The following SLC6A6 variants were observed in gnomAD, a reference collection of about 807,000 sequenced individuals.
SLC6A6 encodes the protein solute carrier family 6 member 6.
In SLC6A6, 16 loss-of-function variants were observed where a neutral mutation model predicts 68.8. The observed-to-expected ratio is 0.23, with a 90% confidence interval of 0.16 to 0.35. The LOEUF (loss-of-function observed/expected upper bound fraction) is 0.35, where lower values mean the gene tolerates loss of function less well. Among genes scored for constraint, SLC6A6 ranks in the 10% least tolerant of loss-of-function variants. SLC6A6 has a pLI of 1.00. For missense variants in SLC6A6, 474 were observed against 802.8 expected, an observed-to-expected ratio of 0.59 and a Z score of 4.95; for synonymous variants, 312 against 315.4, an observed-to-expected ratio of 0.99 and a Z score of 0.12.
chr3:14,483,097 C>A (rs1701045977), intron 14 of SLC6A6, among the ~76,000 whole-genome samples: 1 of 152,150 alleles, frequency 6.6e-6, no homozygotes, highest in Non-Finnish European at 1.5e-5. Context: ...AGGGGGACAC[C>A]CAACAGGTCA....
intron 6 of SLC6A6, among the ~76,000 whole-genome samples, chr3:14,460,818 G>C (rs73031810): frequency 1.1e-3 from 167 of 152,380 alleles, no homozygotes; most frequent in Non-Finnish European, 2.0e-3. Context: ...GAGAAGCCAA[G>C]ACAAACACAG....
At chr3:14,474,262 G>A (rs1212150303) in intron 10 of SLC6A6, among the ~76,000 whole-genome samples, 1 of 152,186 alleles carries the variant, frequency 6.6e-6, no homozygotes, top group Non-Finnish European at 1.5e-5. Context: ...GATGCCAGCA[G>A]TGTGCCTCAC....
At chr3:14,419,220 T>G (rs1176373140) in intron 2 of SLC6A6, among the ~76,000 whole-genome samples, 1 of 152,216 alleles carries the variant, frequency 6.6e-6, no homozygotes, top group Non-Finnish European at 1.5e-5. Flanking sequence ...AGCAGCCCTC[T>G]TGGCTTAACA....
chr3:14,437,432 A>G (rs1029523038), intron 2 of SLC6A6, among the ~76,000 whole-genome samples: 1 of 151,904 alleles, frequency 6.6e-6, no homozygotes, highest in African/African-American at 2.4e-5. Context: ...TAATTTTTGT[A>G]GTTTTTGTAA....
chr3:14,417,902 A>T (rs1363856383), intron 2 of SLC6A6, among the ~76,000 whole-genome samples: 2 of 151,782 alleles, frequency 1.3e-5, no homozygotes, highest in Admixed American at 6.6e-5. Flanking sequence ...TTAGTTCAGG[A>T]TCGTCATTAT....
chr3:14,456,114 C>G (rs1030747005), intron 5 of SLC6A6, among the ~76,000 whole-genome samples: 1 of 152,324 alleles, frequency 6.6e-6, no homozygotes, highest in Middle Eastern at 3.4e-3. Context: ...ACCAAGCCTT[C>G]ATTTTCCCTA....
intron 1 of SLC6A6, among the ~76,000 whole-genome samples, chr3:14,409,159 C>T (rs1699179122): frequency 1.3e-5 from 2 of 152,194 alleles, no homozygotes; most frequent in South Asian, 4.1e-4. Context: ...TTGGTTCTGC[C>T]ACTTGGTCTA....
In SLC6A6 at chr3:14,486,334, C is replaced by T. The variant is rs1318177924; in HGVS notation, c.*1327C>T. 1 of 152,584 alleles carries T rather than the reference C, an allele frequency of 6.6e-6. No homozygotes were observed. Among genetic ancestry groups the T allele is most frequent in the Non-Finnish European group, 1.5e-5 (1 of 68,036 alleles). The allele number at this position is 152,584 out of a possible 1,614,324, so 9.5% of individuals were successfully genotyped here. On this transcript the variant is annotated 3_prime_UTR_variant, in exon 15 of 15. Coordinates refer to ENST00000622186, the MANE Select transcript of SLC6A6 (RefSeq NM_003043.6). ...TCCACTGGGGGAAGTGCTCCCAGTT[C>T]AGAACAAGGGCAGCCCGTGGTGCTG...
chr3:14,410,176 CAA>C (rs145587348), intron 1 of SLC6A6, among the ~76,000 whole-genome samples: 2,362 of 60,620 alleles, frequency 0.039, 45 homozygotes, highest in African/African-American at 0.11. Context: ...GACTCCATCT[CAA>C]AAAAAAAAAA....
intron 5 of SLC6A6, among the ~76,000 whole-genome samples, chr3:14,457,702 C>T (rs1700400239): frequency 6.6e-6 from 1 of 152,206 alleles, no homozygotes; most frequent in Non-Finnish European, 1.5e-5. Flanking sequence ...CCTTAACTTG[C>T]CTGAGGCCAG....
chr3:14,484,834 G>T, intron 14 of SLC6A6, 33 bp from the exon 15 acceptor site: 3 of 1,605,238 alleles, frequency 1.9e-6, no homozygotes, highest in Non-Finnish European at 1.7e-6. Context: ...GCCGCCTGAC[G>T]TTTCCCCCCT....
At chr3:14,440,333 G>A (rs192824435) in intron 2 of SLC6A6, among the ~76,000 whole-genome samples, 21 of 152,058 alleles carry the variant, frequency 1.4e-4, no homozygotes, top group Non-Finnish European at 2.6e-4. Context: ...CAGGGAGCCA[G>A]GGGGCTTTTT....
intron 2 of SLC6A6, among the ~76,000 whole-genome samples, chr3:14,430,941 G>A (rs1323359528): frequency 1.3e-5 from 2 of 152,190 alleles, no homozygotes; most frequent in African/African-American, 4.8e-5. Flanking sequence ...AATGGGCTTG[G>A]ATGTGGACGT....
chr3:14,449,985 C>T (rs1700219166), intron 5 of SLC6A6, among the ~76,000 whole-genome samples: 1 of 152,074 alleles, frequency 6.6e-6, no homozygotes, highest in South Asian at 2.1e-4. Context: ...CTCCTGACCT[C>T]ATGATCTGCC....
At chr3:14,467,118 T>A (rs934528790) in intron 7 of SLC6A6, among the ~76,000 whole-genome samples, 1 of 152,212 alleles carries the variant, frequency 6.6e-6, no homozygotes, top group East Asian at 1.9e-4. Flanking sequence ...GCACACCTTC[T>A]GGCACTCAGC....
Position 14,477,930 on chromosome 3 carries a change from G to T in SLC6A6, c.1348-536G>T, listed in dbSNP as rs1011102499. 6.6e-6 allele frequency among the ~76,000 whole-genome samples: 1 copy of T among 152,160 alleles called. No individual in the cohort carries two copies. The highest frequency in any genetic ancestry group is 2.4e-5 in the African/African-American group (1 of 41,422). ...GTGTCTAGCAAGAGGCAAGCCAGAT[G>T]AGATAAAGATTGTACTAAGAATGGA... On this transcript the variant is annotated intron_variant, in intron 11 of 14. Transcript: ENST00000622186. The surrounding 1 kb of genome is among the most constrained non-coding windows in gnomAD (Gnocchi z 4.2).
intron 2 of SLC6A6, among the ~76,000 whole-genome samples, chr3:14,437,702 A>G (rs1699888839): frequency 6.6e-6 from 1 of 152,106 alleles, no homozygotes; most frequent in Admixed American, 6.5e-5. Context: ...GACATACATA[A>G]TAGATCTATC....
chr3:14,424,413 C>CCAGA (rs1485040951), intron 2 of SLC6A6, among the ~76,000 whole-genome samples: 1 of 151,750 alleles, frequency 6.6e-6, no homozygotes, highest in South Asian at 2.1e-4. Flanking sequence ...CAGTTGGGCA[C>CCAGA]CAGACAGTGA....
intron 1 of SLC6A6, among the ~76,000 whole-genome samples, chr3:14,409,743 G>A (rs540770411): frequency 7.5e-4 from 115 of 152,360 alleles, no homozygotes; most frequent in Non-Finnish European, 8.2e-4. Context: ...GCCGCCTCAG[G>A]TCTGAGGGAG....
Sources: gnomAD v4.1 joint callset for allele counts (sites outside exome capture counted in the v4.1 genomes callset) on GRCh38, gnomAD v4.1.1 for gene constraint, Gnocchi (gnomAD v3.1) non-coding constraint, MANE v1.5 for transcripts, NCBI Gene and HGNC (gene_info 2026-07-23, HGNC 2026-07-21) for gene names.